Variants in CYP4X1 observed in about 807,000 individuals in gnomAD.
CYP4X1 encodes the protein cytochrome P450 4X1.
In CYP4X1, 44 loss-of-function variants were observed where a neutral mutation model predicts 57.9. That is an observed-to-expected ratio of 0.76 (90% confidence interval 0.60 to 0.98). The LOEUF is 0.98. CYP4X1 is among the 50% of genes least tolerant of loss of function. CYP4X1 has a pLI of 0.00. For missense variants in CYP4X1, 532 were observed against 623.9 expected, an observed-to-expected ratio of 0.85 and a Z score of 1.57; for synonymous variants, 227 against 228.6, an observed-to-expected ratio of 0.99 and a Z score of 0.06.
chr1:47,050,253 G>T lies in CYP4X1; in HGVS notation c.*79G>T. 1 of 1,521,910 alleles carries T rather than the reference G, an allele frequency of 6.6e-7. No homozygotes were observed. Among genetic ancestry groups the T allele is most frequent in the Non-Finnish European group, 9.0e-7 (1 of 1,110,954 alleles). The allele number at this position is 1,521,910 out of a possible 1,614,324, so 94.3% of individuals were successfully genotyped here. A position where few individuals can be genotyped will look rare whatever the true frequency, so the allele number is the denominator to read the frequency against. On this transcript the variant is annotated 3_prime_UTR_variant, in exon 12 of 12. Transcript: ENST00000371901. ...CTAATGATCCAAGCAGATAGAAAGG[G>T]ATCAATGTATGGTGGGAGGATTGGA...
chr1:46,968,473 T>C, the CYP4X1 span, among the ~76,000 whole-genome samples: 2 of 152,176 alleles, frequency 1.3e-5, no homozygotes, highest in African/African-American at 4.8e-5. Context: ...GCCCATGTCC[T>C]TGTCCCATAC....
chr1:46,983,087 G>A, the CYP4X1 span, among the ~76,000 whole-genome samples: 24 of 152,322 alleles, frequency 1.6e-4, no homozygotes, highest in African/African-American at 4.8e-4. Context: ...GGGAAAGGCC[G>A]TCTGGCCTTT....
At chr1:46,970,931 TA>T in the CYP4X1 span, among the ~76,000 whole-genome samples, 1 of 152,232 alleles carries the variant, frequency 6.6e-6, no homozygotes, top group African/African-American at 2.4e-5. Context: ...ATATGTTTTT[TA>T]AAAATTCTTA....
chr1:47,029,850 A>G, intron 1 of CYP4X1, 140 bp from the exon 2 acceptor site: 2 of 860,386 alleles, frequency 2.3e-6, no homozygotes, highest in Non-Finnish European at 3.6e-6. Flanking sequence ...AGTCCCAAAG[A>G]AAGCATGTTA....
At chr1:46,997,414 A>C in the CYP4X1 span, among the ~76,000 whole-genome samples, 1 of 152,138 alleles carries the variant, frequency 6.6e-6, no homozygotes, top group Non-Finnish European at 1.5e-5. Flanking sequence ...TATTGTTTCC[A>C]TCTTTATGTT....
intron 11 of CYP4X1, 99 bp from the exon 12 acceptor site, chr1:47,049,900 CA>C: frequency 8.2e-7 from 1 of 1,216,144 alleles, no homozygotes; most frequent in South Asian, 1.5e-5. Context: ...GGAAAAATAT[CA>C]CTTTACTGTG....
chr1:47,036,251 A>G, intron 6 of CYP4X1, 80 bp downstream of exon 6: 1 of 1,420,072 alleles, frequency 7.0e-7, no homozygotes, highest in Non-Finnish European at 9.2e-7. Context: ...AAACCTTAAT[A>G]TGACAAGAGA....
At chr1:47,024,379 T>C (rs2148503283) in intron 1 of CYP4X1, among the ~76,000 whole-genome samples, 1 of 152,304 alleles carries the variant, frequency 6.6e-6, no homozygotes, top group African/African-American at 2.4e-5. Context: ...ATATGCAAAA[T>C]CTATCCCAAT....
chr1:47,011,378 T>C, the CYP4X1 span, among the ~76,000 whole-genome samples: 3 of 152,160 alleles, frequency 2.0e-5, no homozygotes, highest in Admixed American at 6.6e-5. Flanking sequence ...AAACTGGATC[T>C]CTTCCTTACA....
chr1:47,006,453 G>A, the CYP4X1 span, among the ~76,000 whole-genome samples: 2 of 152,176 alleles, frequency 1.3e-5, no homozygotes, highest in African/African-American at 2.4e-5. Context: ...AAGAGAGGTG[G>A]AGCCAAGATG....
At chr1:47,009,168 G>A in the CYP4X1 span, among the ~76,000 whole-genome samples, 741 of 152,252 alleles carry the variant, frequency 4.9e-3, 12 homozygotes, top group East Asian at 0.047. Context: ...ATAGTTGGCA[G>A]TAAAGCACTC....
chr1:46,965,384 C>T, the CYP4X1 span, among the ~76,000 whole-genome samples: 1 of 152,208 alleles, frequency 6.6e-6, no homozygotes, highest in African/African-American at 2.4e-5. Context: ...CCTATTCAGC[C>T]ATCTTGGAAC....
At chr1:46,982,168 T>C in the CYP4X1 span, among the ~76,000 whole-genome samples, 19 of 152,126 alleles carry the variant, frequency 1.2e-4, no homozygotes, top group Admixed American at 1.2e-3. Context: ...ATAATAAAAT[T>C]ATTGTACTAT....
At chr1:47,055,326 T>G (rs1644387046), downstream of CYP4X1, among the ~76,000 whole-genome samples, 1 of 152,208 alleles carries the variant, frequency 6.6e-6, no homozygotes, top group Non-Finnish European at 1.5e-5. Context: ...CTTGCCAGTA[T>G]TTTATTGAGA....
At chr1:46,963,765 T>G in the CYP4X1 span, among the ~76,000 whole-genome samples, 2 of 152,104 alleles carry the variant, frequency 1.3e-5, no homozygotes, top group Non-Finnish European at 1.5e-5. Flanking sequence ...GGCATTCTTT[T>G]TATTTCCTGA....
the CYP4X1 span, among the ~76,000 whole-genome samples, chr1:46,982,949 G>T: frequency 6.6e-6 from 1 of 152,198 alleles, no homozygotes; most frequent in South Asian, 2.1e-4. Context: ...ACTGGTCTCT[G>T]GGGCTTCATC....
Position 47,035,845 on chromosome 1 carries a change from G to C in CYP4X1, c.532G>C (p.Val178Leu), listed in dbSNP as rs370678560. ...EKICSTQDTS[V>L]EVYEHINSMS... Reference sequence around the variant, plus strand: ...GATTTGCAGCACTCAGGACACAAGCGTGGAGGTCTATGAGCACATCAACTC... The same window carrying C: ...GATTTGCAGCACTCAGGACACAAGCCTGGAGGTCTATGAGCACATCAACTC... The change falls in exon 5 of 12, where the codon GTG becomes CTG. Residue 178 changes from valine to leucine, a missense_variant. Val to Leu is a conservative substitution (Grantham distance 32, BLOSUM62 1). Coordinates refer to ENST00000371901, the MANE Select transcript of CYP4X1 (RefSeq NM_178033.2). 10 of 1,613,600 alleles carry C rather than the reference G, an allele frequency of 6.2e-6. No individual in the cohort carries two copies. Among genetic ancestry groups the C allele is most frequent in the Non-Finnish European group, 8.5e-6 (10 of 1,179,734 alleles).
chr1:46,982,647 G>A, the CYP4X1 span, among the ~76,000 whole-genome samples: 1 of 152,194 alleles, frequency 6.6e-6, no homozygotes, highest in Admixed American at 6.5e-5. Context: ...TATATTTGGT[G>A]TTGAAGTTAG....
At chr1:46,978,772 T>A in the CYP4X1 span, among the ~76,000 whole-genome samples, 10 of 151,280 alleles carry the variant, frequency 6.6e-5, no homozygotes, top group Admixed American at 1.3e-4. Flanking sequence ...TACCACAAAT[T>A]GTCTCTCAGA....
Sources: allele counts gnomAD v4.1 joint callset (sites outside exome capture counted in the v4.1 genomes callset), GRCh38; gene constraint gnomAD v4.1.1; transcripts MANE v1.5; gene names NCBI Gene and HGNC (gene_info 2026-07-23, HGNC 2026-07-21).